ROBO2: variants seen among roughly 807,000 people sequenced by gnomAD.
The protein encoded by ROBO2 is roundabout guidance receptor 2, also known as roundabout homolog 2.
Under a neutral mutation model 160.8 loss-of-function variants are expected in ROBO2, and 53 were observed. The observed-to-expected ratio is 0.33, with a 90% CI of 0.26 to 0.41. The LOEUF is 0.41. Among genes scored for constraint, ROBO2 ranks in the 10% least tolerant of loss-of-function variants. The pLI is 1.00. For missense variants in ROBO2, 1,577 were observed against 1,722.4 expected, an observed-to-expected ratio of 0.92 and a Z score of 1.49; for synonymous variants, 664 against 611.7, an observed-to-expected ratio of 1.09 and a Z score of -1.26.
chr3:77,031,732 AAT>A (rs940814973), intron 2 of ROBO2, among the ~76,000 whole-genome samples: 3 of 147,558 alleles, frequency 2.0e-5, no homozygotes, highest in Non-Finnish European at 4.5e-5. Flanking sequence ...ATATATAATA[AAT>A]ATATATTAGA....
chr3:77,125,679 T>C (rs2075251998), intron 2 of ROBO2, among the ~76,000 whole-genome samples: 1 of 152,190 alleles, frequency 6.6e-6, no homozygotes, highest in African/African-American at 2.4e-5. Context: ...GTCTTAGATA[T>C]AGAAAAAGTT....
chr3:76,603,996 A>G (rs2087446581), intron 2 of ROBO2, among the ~76,000 whole-genome samples: 1 of 152,232 alleles, frequency 6.6e-6, no homozygotes, highest in Non-Finnish European at 1.5e-5. Context: ...GGCCTTAGAC[A>G]TCAATGATAG....
chr3:76,132,862 G>A (rs914544004), intron 2 of ROBO2, among the ~76,000 whole-genome samples: 47 of 152,238 alleles, frequency 3.1e-4, no homozygotes, highest in African/African-American at 1.0e-3. Context: ...ACACACAGTA[G>A]TGGAAGCAAG....
At chr3:77,341,781 G>T (rs1329112232) in intron 2 of ROBO2, among the ~76,000 whole-genome samples, 3 of 151,934 alleles carry the variant, frequency 2.0e-5, no homozygotes, top group African/African-American at 7.3e-5. Context: ...AATAGATTTT[G>T]CAGAATTTTT....
chr3:76,926,940 A>G (rs1025190194), intron 2 of ROBO2, among the ~76,000 whole-genome samples: 1 of 151,734 alleles, frequency 6.6e-6, no homozygotes, highest in Admixed American at 6.6e-5. Context: ...ATAATGGTGG[A>G]AAAAAATTGT....
intron 18 of ROBO2, among the ~76,000 whole-genome samples, chr3:77,595,797 C>T (rs1291383707): frequency 6.6e-6 from 1 of 152,022 alleles, no homozygotes; most frequent in South Asian, 2.1e-4. Flanking sequence ...AGCAAGAAAG[C>T]GGTTGGGTCT....
chr3:77,251,733 A>G (rs1271654357), intron 2 of ROBO2, among the ~76,000 whole-genome samples: 3 of 152,086 alleles, frequency 2.0e-5, no homozygotes, highest in Non-Finnish European at 4.4e-5. Context: ...GTGTTAGTGA[A>G]TAAGTCTCAC....
intron 23 of ROBO2, chr3:77,634,313 A>T (rs1472858010): frequency 6.3e-6 from 1 of 159,204 alleles, no homozygotes; most frequent in Non-Finnish European, 1.4e-5. Context: ...GCCAAAAGAG[A>T]TAGAATTCAT....
intron 2 of ROBO2, among the ~76,000 whole-genome samples, chr3:77,215,983 T>C (rs2151145881): frequency 6.6e-6 from 1 of 152,302 alleles, no homozygotes; most frequent in East Asian, 1.9e-4. Context: ...GGTGTCAGTC[T>C]GCCACTACTG....
chr3:77,551,004 C>G lies in ROBO2; in HGVS notation c.1231+15C>G. The G allele has an allele frequency of 1.9e-6, 3 of 1,611,710 alleles. No homozygotes were observed. Among genetic ancestry groups the G allele is most frequent in the Non-Finnish European group, 1.7e-6 (2 of 1,178,358 alleles). On this transcript the variant is annotated intron_variant, in intron 8 of 25. Transcript: ENST00000461745. Reference sequence around the variant, plus strand: ...GGTTACTGATGGTGCGATATCTTTACTAGATTTGTCTTATGAAAACATTGA... The same window carrying G: ...GGTTACTGATGGTGCGATATCTTTAGTAGATTTGTCTTATGAAAACATTGA...
At chr3:76,214,693 G>T (rs918153899) in intron 2 of ROBO2, among the ~76,000 whole-genome samples, 37 of 152,340 alleles carry the variant, frequency 2.4e-4, no homozygotes, top group Non-Finnish European at 3.4e-4. Flanking sequence ...GCCCACCACA[G>T]CTCAAGGAGG....
At chr3:76,283,153 A>ATATATATATAT (rs1559717396) in intron 2 of ROBO2, among the ~76,000 whole-genome samples, 5 of 12,062 alleles carry the variant, frequency 4.1e-4, no homozygotes, top group Non-Finnish European at 4.8e-4. Flanking sequence ...TATATATATA[A>ATATATATATAT]AACTACATAT....
At chr3:76,067,650 G>C (rs1288161437) in intron 2 of ROBO2, among the ~76,000 whole-genome samples, 1 of 152,094 alleles carries the variant, frequency 6.6e-6, no homozygotes, top group Non-Finnish European at 1.5e-5. Context: ...AGAGGGCCTG[G>C]TTTCTTCCAA....
At chr3:76,279,345 C>G (rs1030413483) in intron 2 of ROBO2, among the ~76,000 whole-genome samples, 1 of 151,732 alleles carries the variant, frequency 6.6e-6, no homozygotes, top group East Asian at 1.9e-4. Flanking sequence ...ATTTATTGCA[C>G]CATGTTCTGA....
At chr3:76,696,866 G>A (rs79394385) in intron 2 of ROBO2, among the ~76,000 whole-genome samples, 31 of 152,230 alleles carry the variant, frequency 2.0e-4, no homozygotes, top group African/African-American at 7.0e-4. Flanking sequence ...TTTTATGTTT[G>A]TCTACAGGGC....
At chr3:77,228,762 A>G (rs929436855) in intron 2 of ROBO2, among the ~76,000 whole-genome samples, 2 of 152,210 alleles carry the variant, frequency 1.3e-5, no homozygotes, top group East Asian at 3.9e-4. Flanking sequence ...TGCAAGATTA[A>G]AAAGAAAATC....
At chr3:76,890,470 T>C in intron 2 of ROBO2, among the ~76,000 whole-genome samples, 1 of 152,182 alleles carries the variant, frequency 6.6e-6, no homozygotes, top group East Asian at 1.9e-4. Flanking sequence ...GTGTTCTACC[T>C]CTACCCCAAA....
chr3:77,356,317 CTA>C (rs1025711650), intron 2 of ROBO2, among the ~76,000 whole-genome samples: 7 of 151,242 alleles, frequency 4.6e-5, no homozygotes, highest in African/African-American at 1.7e-4. Flanking sequence ...ACATTAGTGA[CTA>C]TGTGTGCATG....
intron 2 of ROBO2, among the ~76,000 whole-genome samples, chr3:77,382,372 T>A (rs2073612713): frequency 6.6e-6 from 1 of 151,436 alleles, no homozygotes; most frequent in Non-Finnish European, 1.5e-5. Context: ...TAAAAAGTCT[T>A]TTTTTAGGTG....
Sources: gnomAD v4.1 joint callset for allele counts (sites outside exome capture counted in the v4.1 genomes callset) on GRCh38, gnomAD v4.1.1 for gene constraint, MANE v1.5 for transcripts, NCBI Gene and HGNC (gene_info 2026-07-23, HGNC 2026-07-21) for gene names.